Variants in CCDC174 observed in about 807,000 individuals in gnomAD.
CCDC174 encodes the protein coiled-coil domain containing 174.
Under a neutral mutation model 57.1 loss-of-function variants are expected in CCDC174, and 37 were observed. That is an observed-to-expected ratio of 0.65 (90% CI 0.50 to 0.85). CCDC174 has a LOEUF of 0.85. Among genes scored for constraint, CCDC174 ranks in the 40% least tolerant of loss-of-function variants. The pLI, the probability that CCDC174 is intolerant of heterozygous loss-of-function variation, is 0.00. For synonymous variants in CCDC174, 182 were observed against 190.2 expected, an observed-to-expected ratio of 0.96 and a Z score of 0.35; for missense variants, 540 against 574.3, an observed-to-expected ratio of 0.94 and a Z score of 0.61.
chr3:14,667,569 C>A, intron 8 of CCDC174, 51 bp downstream of exon 8: 1 of 1,370,226 alleles, frequency 7.3e-7, no homozygotes, highest in South Asian at 1.2e-5. Context: ...CGCTTGGTTT[C>A]TTGCTGGACC....
intron 8 of CCDC174, among the ~76,000 whole-genome samples, chr3:14,667,734 G>C (rs1334639756): frequency 2.0e-5 from 3 of 152,192 alleles, no homozygotes; most frequent in African/African-American, 7.2e-5. Flanking sequence ...TCCCAAATGT[G>C]GTACTTTTGG....
intron 1 of CCDC174, among the ~76,000 whole-genome samples, chr3:14,653,675 C>T (rs2030854996): frequency 6.6e-6 from 1 of 152,208 alleles, no homozygotes; most frequent in African/African-American, 2.4e-5. Flanking sequence ...CCAACTGCCC[C>T]ACTCCCTATG....
At position 14,653,736 on chromosome 3, in the gene CCDC174, GT is replaced by G. The variant is rs143124834; in HGVS notation, c.43-685del. Among the ~76,000 whole-genome samples the G allele has an allele frequency of 6.7e-3, 1,025 of 152,216 alleles. 15 individuals are homozygous for G. Among genetic ancestry groups the G allele is most frequent in the African/African-American group, 0.023 (962 of 41,558 alleles). On this transcript the variant is annotated intron_variant, in intron 1 of 10. Coordinates refer to ENST00000383794, the MANE Select transcript of CCDC174 (RefSeq NM_016474.5). ...ACCGTGTGATTCAGCCAAGCTTACG[GT>G]TTTTGAAATGGATTAAGTCAAACGT...
At chr3:14,658,976 G>T (rs1553606505) in intron 4 of CCDC174, 47 bp downstream of exon 4, 1 of 1,413,352 alleles carries the variant, frequency 7.1e-7, no homozygotes, top group South Asian at 1.2e-5. Flanking sequence ...AATGCATACA[G>T]CCCTTTGATA....
chr3:14,652,198 C>T (rs942382116), intron 1 of CCDC174, among the ~76,000 whole-genome samples: 1 of 152,190 alleles, frequency 6.6e-6, no homozygotes, highest in South Asian at 2.1e-4. Context: ...CCTCGTCAGC[C>T]TTCTCCCTTA....
At chr3:14,654,723 G>A (rs924169832) in intron 2 of CCDC174, among the ~76,000 whole-genome samples, 193 bp downstream of exon 2, 2 of 152,194 alleles carry the variant, frequency 1.3e-5, no homozygotes, top group South Asian at 2.1e-4. Flanking sequence ...ACATAGTAAT[G>A]TGCTAATTCT....
chr3:14,667,520 T>A lies in CCDC174; in HGVS notation c.819+2T>A, dbSNP rs1317585700. 7.5e-6 allele frequency: 12 copies of A among 1,609,048 alleles called. No individual in the cohort carries two copies. Among genetic ancestry groups the A allele is most frequent in the Non-Finnish European group, 1.0e-5 (12 of 1,175,564 alleles). ...ACCTTAGAGATGCTGCGTGAACAGGTACAGATAAATCCCAAGTGACTGTGA... is the reference window on the plus strand; with the variant it reads ...ACCTTAGAGATGCTGCGTGAACAGGAACAGATAAATCCCAAGTGACTGTGA... On this transcript the variant is annotated splice_donor_variant, in intron 8 of 10. Coordinates refer to ENST00000383794, the MANE Select transcript of CCDC174 (RefSeq NM_016474.5). LOFTEE classifies it high-confidence loss of function.
chr3:14,656,082 TG>T (rs1255187075), intron 3 of CCDC174, among the ~76,000 whole-genome samples: 3 of 152,302 alleles, frequency 2.0e-5, no homozygotes, highest in African/African-American at 7.2e-5. Flanking sequence ...CACACGCGTG[TG>T]TAGAGAGACT....
intron 2 of CCDC174, among the ~76,000 whole-genome samples, chr3:14,654,842 A>T (rs2030897336): frequency 6.6e-6 from 1 of 152,246 alleles, no homozygotes; most frequent in Admixed American, 6.5e-5. Context: ...CAATTAGATA[A>T]TATAGGAATA....
At chr3:14,656,786 C>T (rs2030973484) in intron 3 of CCDC174, among the ~76,000 whole-genome samples, 1 of 152,148 alleles carries the variant, frequency 6.6e-6, no homozygotes, top group African/African-American at 2.4e-5. Context: ...TTCTGTCATT[C>T]CATCTTTATT....
intron 5 of CCDC174, among the ~76,000 whole-genome samples, chr3:14,662,718 G>A (rs888754258): frequency 1.4e-4 from 21 of 152,152 alleles, no homozygotes; most frequent in Non-Finnish European, 7.3e-5. Context: ...GCATTTGTTA[G>A]GAACTGCTCA....
chr3:14,662,081 G>A (rs1014695688), intron 5 of CCDC174, among the ~76,000 whole-genome samples: 1 of 152,194 alleles, frequency 6.6e-6, no homozygotes, highest in Non-Finnish European at 1.5e-5. Flanking sequence ...CCTTACCCGT[G>A]TTCTTGTTCT....
At chr3:14,663,007 A>G (rs1393000192) in intron 5 of CCDC174, among the ~76,000 whole-genome samples, 1 of 152,168 alleles carries the variant, frequency 6.6e-6, no homozygotes, top group Non-Finnish European at 1.5e-5. Flanking sequence ...AAGAACATGC[A>G]GTCTCTTCTT....
rs372970567 is a variant in CCDC174 at position 14,658,908 on chromosome 3, A to C, written c.286A>C (p.Met96Leu). 2 of 1,529,314 alleles carry C rather than the reference A, an allele frequency of 1.3e-6. No homozygotes were observed. Among genetic ancestry groups the C allele is most frequent in the African/African-American group, 2.7e-5 (2 of 73,170 alleles). 94.7% of individuals were successfully genotyped at this position (1,529,314 alleles called of 1,614,324 possible). A position where few individuals can be genotyped will look rare whatever the true frequency, so the allele number is the denominator to read the frequency against. ...LEEKAKLYEK[M>L]TKGDFIDEEV... ...AGAAAAAGCCAAATTATATGAAAAA[A>C]TGACTAAAGGAGACTTTATAGGTAA... is the stretch of plus-strand genomic sequence containing the variant. Residue 96 changes from methionine to leucine, a missense_variant, in exon 4 of 11, where the codon ATG (methionine) becomes CTG (leucine). By Grantham distance (15) the Met-to-Leu change is conservative. Transcript: ENST00000383794.
Position 14,670,931 on chromosome 3 carries a change from G to C in CCDC174, c.1141G>C (p.Asp381His). The C allele has an allele frequency of 6.2e-7, 1 of 1,612,968 alleles. No individual in the cohort carries two copies. Among genetic ancestry groups the C allele is most frequent in the Non-Finnish European group, 8.5e-7 (1 of 1,179,066 alleles). Reference protein sequence around the residue: ...SFGYWSKRQSDLRAERDPEFA... With the variant: ...SFGYWSKRQSHLRAERDPEFA... ...TGGATACTGGTCGAAGAGGCAGTCA[G>C]ATCTCCGGGCTGAGAGAGATCCTGA... Residue 381 changes from aspartate (D) to histidine (H), a missense_variant, in exon 11 of 11, where the codon GAT becomes CAT. Transcript: ENST00000383794.
chr3:14,669,311 C>T (rs145078251), intron 9 of CCDC174, among the ~76,000 whole-genome samples: 1 of 152,216 alleles, frequency 6.6e-6, no homozygotes, highest in Non-Finnish European at 1.5e-5. Flanking sequence ...TGAAAACCAT[C>T]TGTTTAGTTT....
At chr3:14,664,431 A>C (rs752784491) in intron 5 of CCDC174, among the ~76,000 whole-genome samples, 6 of 152,194 alleles carry the variant, frequency 3.9e-5, no homozygotes, top group African/African-American at 1.4e-4. Flanking sequence ...TTGCCTTGCT[A>C]TCTGCCTGGC....
chr3:14,661,339 A>G (rs1001260678), intron 4 of CCDC174, among the ~76,000 whole-genome samples, 191 bp from the exon 5 acceptor site: 2 of 117,724 alleles, frequency 1.7e-5, no homozygotes, highest in Middle Eastern at 5.2e-3. Flanking sequence ...GGCTTTTTCA[A>G]GATTTTTTTG....
intron 6 of CCDC174, among the ~76,000 whole-genome samples, chr3:14,665,616 A>G (rs1446180327): frequency 6.6e-6 from 1 of 152,224 alleles, no homozygotes; most frequent in East Asian, 1.9e-4. Context: ...TGAAACATCC[A>G]GGGGAATAAA....
Sources: allele counts gnomAD v4.1 joint callset (sites outside exome capture counted in the v4.1 genomes callset), GRCh38; gene constraint gnomAD v4.1.1; transcripts MANE v1.5; gene names NCBI Gene and HGNC (gene_info 2026-07-23, HGNC 2026-07-21).